The following GAPVD1 variants were observed in gnomAD, a reference collection of about 807,000 sequenced individuals.
GAPVD1 encodes the protein GTPase activating protein and VPS9 domains 1, also known as GTPase-activating protein and VPS9 domain-containing protein 1.
Under a neutral mutation model 155.5 loss-of-function variants are expected in GAPVD1, and 35 were observed. The ratio of observed to expected loss-of-function variants is 0.23; its 90% CI spans 0.17 to 0.30. GAPVD1 has a LOEUF of 0.30. GAPVD1 is among the 10% of genes least tolerant of loss of function. The pLI, the probability that GAPVD1 is intolerant of heterozygous loss-of-function variation, is 1.00. For synonymous variants in GAPVD1, 636 were observed against 619.7 expected, an observed-to-expected ratio of 1.03 and a Z score of -0.39; for missense variants, 1,429 against 1,775.7, an observed-to-expected ratio of 0.80 and a Z score of 3.51.
chr9:125,267,290 T>C (rs1439910420), intron 1 of GAPVD1, among the ~76,000 whole-genome samples: 5 of 152,212 alleles, frequency 3.3e-5, no homozygotes, highest in Non-Finnish European at 5.9e-5. Flanking sequence ...GGTCTTGCTC[T>C]GTTGTCTAGG....
intron 1 of GAPVD1, chr9:125,263,411 T>G (rs1833284258): frequency 2.1e-6 from 1 of 472,050 alleles, no homozygotes; most frequent in South Asian, 2.0e-5. Context: ...ATCACGCCAC[T>G]GCACTCCAGC....
At chr9:125,328,167 T>A (rs1845478267) in intron 12 of GAPVD1, among the ~76,000 whole-genome samples, 1 of 151,802 alleles carries the variant, frequency 6.6e-6, no homozygotes, top group Admixed American at 6.6e-5. Context: ...ATTTGTATTT[T>A]TAAGTAGTGC....
At position 125,307,475 on chromosome 9, in the gene GAPVD1, G is replaced by A. The variant is rs1842034204; in HGVS notation, c.1179G>A (p.Leu393=). The stretch of plus-strand genomic sequence containing the variant: ...GCCGTGCAGTGGAGACCCCTCCATT[G>A]TCTTCCGTCAATCTTCTGGAAGGAT... ...IGGRAVETPP[L]SSVNLLEGLS... The change falls in exon 7 of 28, where the codon TTG becomes TTA. Residue 393 remains leucine, a synonymous_variant. Coordinates refer to ENST00000297933, the MANE Select transcript of GAPVD1 (RefSeq NM_001282680.3). The A allele has an allele frequency of 1.9e-6, 3 of 1,611,022 alleles. No individual in the cohort carries two copies. The highest frequency in any genetic ancestry group is 2.5e-6 in the Non-Finnish European group (3 of 1,177,384).
intron 10 of GAPVD1, among the ~76,000 whole-genome samples, chr9:125,322,583 C>T (rs1460241620): frequency 6.6e-6 from 1 of 152,074 alleles, no homozygotes; most frequent in African/African-American, 2.4e-5. Context: ...TAGGTTTATC[C>T]TGTTTTGTAA....
chr9:125,337,699 T>C, intron 17 of GAPVD1, 108 bp downstream of exon 17: 1 of 1,090,036 alleles, frequency 9.2e-7, no homozygotes, highest in African/African-American at 1.6e-5. Flanking sequence ...TAGAGAGTAG[T>C]CATGATTAAA....
chr9:125,306,961 C>G (rs1244016105), intron 6 of GAPVD1, among the ~76,000 whole-genome samples: 2 of 152,106 alleles, frequency 1.3e-5, no homozygotes, highest in Non-Finnish European at 2.9e-5. Flanking sequence ...GAAACCCCAT[C>G]TCTACAAAAA....
At chr9:125,309,579 C>G (rs1022769673) in intron 8 of GAPVD1, among the ~76,000 whole-genome samples, 2 of 152,180 alleles carry the variant, frequency 1.3e-5, no homozygotes, top group Non-Finnish European at 2.9e-5. Flanking sequence ...AGGTGATCCA[C>G]CTGCCTCGGC....
chr9:125,312,956 G>A (rs1402062999), intron 9 of GAPVD1, among the ~76,000 whole-genome samples: 1 of 151,958 alleles, frequency 6.6e-6, no homozygotes, highest in Non-Finnish European at 1.5e-5. Flanking sequence ...GAGTAGCTGG[G>A]ATTACAGGCA....
In GAPVD1 at chr9:125,366,977, C is replaced by T. The variant is rs1246944231; in HGVS notation, c.*4231C>T. The T allele has an allele frequency of 2.6e-5, 4 of 152,154 alleles. No individual in the cohort carries two copies. The East Asian group carries it at 7.7e-4, about 29-fold the overall frequency. 9.4% of individuals were successfully genotyped at this position (152,154 alleles called of 1,614,324 possible). ...AGCGGCCATGCACTAGGGGAATTCA[C>T]CTCTGTCAAATTAATACTCTCCTGT... On this transcript the variant is annotated 3_prime_UTR_variant, in exon 28 of 28. Transcript: ENST00000297933.
At chr9:125,347,078 C>T in intron 20 of GAPVD1, 137 bp downstream of exon 20, 1 of 798,502 alleles carries the variant, frequency 1.3e-6, no homozygotes. Flanking sequence ...ACTGCCTAAA[C>T]AAATGTTTAA....
chr9:125,275,843 A>G (rs1835694942), intron 2 of GAPVD1, among the ~76,000 whole-genome samples: 1 of 152,252 alleles, frequency 6.6e-6, no homozygotes, highest in Non-Finnish European at 1.5e-5. Context: ...AAGGTTTTTG[A>G]ATTGGAATAG....
rs757180474 is a variant in GAPVD1, at chr9:125,302,785, G to A, written c.988G>A (p.Asp330Asn). 5.6e-6 allele frequency: 9 copies of A among 1,610,756 alleles called. No individual in the cohort carries two copies. The East Asian group carries it at 1.8e-4, about 32-fold the overall frequency. ...TCCAGAACAATATGGAATAATTTCC[G>A]ATGCTCCTATTAATGAAGTAGCACG... The part of the protein sequence containing the change: ...VNPEQYGIIS[D>N]APINEVARFN... The change falls in exon 5 of 28, where the codon GAT becomes AAT. Residue 330 changes from aspartate to asparagine, a missense_variant. By Grantham distance (23) the Asp-to-Asn change is conservative (BLOSUM62 1). Transcript: ENST00000297933.
intron 27 of GAPVD1, among the ~76,000 whole-genome samples, chr9:125,361,477 TCACA>T (rs1850907940): frequency 6.7e-6 from 1 of 149,496 alleles, no homozygotes; most frequent in Non-Finnish European, 1.5e-5. Context: ...TGAGCCGAGA[TCACA>T]CTGCTGCACT....
At chr9:125,356,776 A>AT (rs1280596596) in intron 25 of GAPVD1, among the ~76,000 whole-genome samples, 1 of 152,106 alleles carries the variant, frequency 6.6e-6, no homozygotes, top group East Asian at 1.9e-4. Flanking sequence ...GGCTTAAGCG[A>AT]TTCTCCTGCC....
rs112633308 is a variant in GAPVD1, at chr9:125,301,965, T to C, written c.186-18T>C. Reference sequence around the variant, plus strand: ...TACTATTATTTTGCTTGTTTGCTCTTTTTTTTTTTTTTTTTAGTGCTGAAG... The same window carrying C: ...TACTATTATTTTGCTTGTTTGCTCTCTTTTTTTTTTTTTTTAGTGCTGAAG... On this transcript the variant is annotated intron_variant, in intron 4 of 27. Transcript: ENST00000297933. The C allele has an allele frequency of 2.4e-5, 8 of 339,422 alleles. No individual in the cohort carries two copies. The highest frequency in any genetic ancestry group is 3.4e-5 in the Non-Finnish European group (8 of 234,322). 21.0% of individuals were successfully genotyped at this position (339,422 alleles called of 1,614,324 possible).
intron 2 of GAPVD1, among the ~76,000 whole-genome samples, chr9:125,274,017 G>A (rs1835344154): frequency 6.6e-6 from 1 of 151,498 alleles, no homozygotes; most frequent in Admixed American, 6.6e-5. Flanking sequence ...ATCTTGAGAT[G>A]GAGTAGTGCT....
chr9:125,267,114 T>G (rs902075629), intron 1 of GAPVD1, among the ~76,000 whole-genome samples: 3 of 152,202 alleles, frequency 2.0e-5, no homozygotes, highest in Non-Finnish European at 4.4e-5. Flanking sequence ...CTTTGAAAAA[T>G]TGTAAGCCTA....
chr9:125,273,452 C>T (rs1214910836), intron 2 of GAPVD1, among the ~76,000 whole-genome samples: 1 of 150,370 alleles, frequency 6.7e-6, no homozygotes, highest in East Asian at 1.9e-4. Context: ...AGTAGGTCTT[C>T]AGCAGGGAAG....
At chr9:125,329,070 G>A (rs539142623) in intron 12 of GAPVD1, among the ~76,000 whole-genome samples, 1 of 152,188 alleles carries the variant, frequency 6.6e-6, no homozygotes, top group African/African-American at 2.4e-5. Context: ...CAAGATGGCA[G>A]CAGTACAGTC....
Sources: gnomAD v4.1 joint callset for allele counts (sites outside exome capture counted in the v4.1 genomes callset) on GRCh38, gnomAD v4.1.1 for gene constraint, MANE v1.5 for transcripts, NCBI Gene and HGNC (gene_info 2026-07-23, HGNC 2026-07-21) for gene names.